The following CEP120 variants were observed in gnomAD, a reference collection of about 807,000 sequenced individuals.
The protein encoded by CEP120 is centrosomal protein of 120 kDa.
CEP120 carries 113 observed loss-of-function variants against 126.5 expected under a neutral mutation model. The ratio of observed to expected loss-of-function variants is 0.89; its 90% confidence interval spans 0.77 to 1.04. CEP120 has a LOEUF of 1.04. Ranked by LOEUF, CEP120 falls within the 50% of genes least tolerant of loss-of-function variation. The probability of loss-of-function intolerance (pLI) is 0.00; values close to 1 mark genes in which losing one functional copy is unlikely to be tolerated. For missense variants in CEP120, 1,230 were observed against 1,155.7 expected, an observed-to-expected ratio of 1.06 and a Z score of -0.93; for synonymous variants, 400 against 394.3, an observed-to-expected ratio of 1.01 and a Z score of -0.17.
At chr5:123,401,988 A>G in intron 4 of CEP120, 3 of 1,604,500 alleles carry the variant, frequency 1.9e-6, no homozygotes, top group Non-Finnish European at 2.6e-6. Context: ...CTTGGTCTCC[A>G]GCATCTTGTT....
intron 18 of CEP120, among the ~76,000 whole-genome samples, chr5:123,351,887 C>CCAAA (rs1169320250): frequency 1.3e-5 from 2 of 152,210 alleles, no homozygotes; most frequent in East Asian, 3.9e-4. Context: ...ACCTGTATTT[C>CCAAA]CAAACAGTTT....
intron 19 of CEP120, among the ~76,000 whole-genome samples, chr5:123,349,513 TATC>T (rs1440558883): frequency 2.0e-5 from 3 of 152,194 alleles, no homozygotes; most frequent in East Asian, 3.8e-4. Context: ...ATAATCCTGA[TATC>T]ATCACACAAA....
chr5:123,381,756 C>T (rs1771663506), intron 14 of CEP120, among the ~76,000 whole-genome samples: 1 of 124,782 alleles, frequency 8.0e-6, no homozygotes, highest in African/African-American at 2.8e-5. Context: ...TATTCATATA[C>T]ACACACACAT....
intron 18 of CEP120, among the ~76,000 whole-genome samples, chr5:123,351,070 T>C (rs1561988931): frequency 1.3e-5 from 2 of 152,144 alleles, no homozygotes; most frequent in Non-Finnish European, 2.9e-5. Flanking sequence ...ATTTATTGAA[T>C]TGTAACAAAC....
intron 8 of CEP120, 49 bp from the exon 9 acceptor site, chr5:123,388,655 T>TAAGAGAAA: frequency 1.4e-6 from 2 of 1,406,194 alleles, no homozygotes; most frequent in Non-Finnish European, 1.9e-6. Flanking sequence ...GCTAACAGTT[T>TAAGAGAAA]CTCTTAAATT....
At chr5:123,385,345 G>A (rs911514864) in intron 10 of CEP120, among the ~76,000 whole-genome samples, 3 of 152,060 alleles carry the variant, frequency 2.0e-5, no homozygotes, top group African/African-American at 7.2e-5. Flanking sequence ...TACAATGATG[G>A]TCCCATAAAA....
intron 11 of CEP120, among the ~76,000 whole-genome samples, chr5:123,384,413 A>G (rs1771881499): frequency 6.6e-6 from 1 of 152,076 alleles, no homozygotes; most frequent in African/African-American, 2.4e-5. Flanking sequence ...TACTGTATTT[A>G]AAATATGTTA....
chr5:123,351,288 T>C (rs1769182063), intron 18 of CEP120, among the ~76,000 whole-genome samples: 1 of 152,180 alleles, frequency 6.6e-6, no homozygotes, highest in African/African-American at 2.4e-5. Flanking sequence ...CTATACAGTA[T>C]GTATTTGTGT....
chr5:123,376,658 AC>A (rs1283274869), intron 16 of CEP120, among the ~76,000 whole-genome samples: 1 of 152,090 alleles, frequency 6.6e-6, no homozygotes, highest in East Asian at 1.9e-4. Flanking sequence ...GAGAAGGACC[AC>A]AGTGGGTTTT....
At chr5:123,423,838 C>G (rs921682311), upstream of CEP120, among the ~76,000 whole-genome samples, 6 of 152,112 alleles carry the variant, frequency 3.9e-5, no homozygotes, top group African/African-American at 1.2e-4. Flanking sequence ...CCTTTGAAAA[C>G]AAGTAGCTTC....
At chr5:123,403,508 T>C (rs1184633639) in intron 4 of CEP120, among the ~76,000 whole-genome samples, 1 of 152,164 alleles carries the variant, frequency 6.6e-6, no homozygotes, top group Non-Finnish European at 1.5e-5. Context: ...CTGATATAAA[T>C]AAACGAATTG....
At chr5:123,349,835 C>G in intron 19 of CEP120, 109 bp downstream of exon 19, 1 of 869,970 alleles carries the variant, frequency 1.1e-6, no homozygotes, top group South Asian at 1.9e-5. Flanking sequence ...ATGTCTGCTA[C>G]ATTTTATATA....
chr5:123,395,494 C>T (rs931682640), intron 5 of CEP120, among the ~76,000 whole-genome samples: 4 of 152,098 alleles, frequency 2.6e-5, no homozygotes, highest in African/African-American at 9.7e-5. Context: ...AGCAGCAACA[C>T]CCTACCATCC....
chr5:123,378,384 T>TA lies in CEP120; in HGVS notation c.2147dup (p.Ile717AsnfsTer2). The TA allele has an allele frequency of 6.2e-7, 1 of 1,607,968 alleles. No individual in the cohort carries two copies. The highest frequency in any genetic ancestry group is 8.5e-7 in the Non-Finnish European group (1 of 1,177,642). Reference sequence around the variant, plus strand: ...GCTGCTCTCGCTTCTCCAAGTCAATTAGAGTTTTTTGAAGTTTTCCTTCTA... The same window carrying TA: ...GCTGCTCTCGCTTCTCCAAGTCAATTAAGAGTTTTTTGAAGTTTTCCTTCTA... On this transcript the variant is annotated frameshift_variant, in exon 15 of 20. Coordinates refer to ENST00000306467, the MANE Select transcript of CEP120 (RefSeq NM_001375405.1). LOFTEE classifies it high-confidence loss of function.
At chr5:123,399,675 A>G (rs1177576754) in intron 4 of CEP120, among the ~76,000 whole-genome samples, 1 of 152,216 alleles carries the variant, frequency 6.6e-6, no homozygotes, top group Non-Finnish European at 1.5e-5. Flanking sequence ...AGTATGTACA[A>G]AAACACAGAA....
At position 123,346,707 on chromosome 5, in the gene CEP120, C is replaced by A; in HGVS notation, c.2773G>T (p.Ala925Ser). 3 of 1,613,182 alleles carry A rather than the reference C, an allele frequency of 1.9e-6. No individual in the cohort carries two copies. The highest frequency in any genetic ancestry group is 2.5e-6 in the Non-Finnish European group (3 of 1,179,766). The change falls in exon 20 of 20, where the codon GCA becomes TCA. Residue 925 changes from alanine (A) to serine (S), a missense_variant. Ala to Ser is a moderately conservative substitution (Grantham distance 99). Transcript: ENST00000306467. Reference protein sequence around the residue: ...QKQYQDSTEIASGKKDGPHGS... With the variant: ...QKQYQDSTEISSGKKDGPHGS... The stretch of plus-strand genomic sequence containing the variant: ...TGGGGGCCATCCTTTTTTCCACTTG[C>A]AATCTCTGTGGAATCCTGGTATTGT...
At chr5:123,394,250 G>T (rs1772606855) in intron 5 of CEP120, among the ~76,000 whole-genome samples, 2 of 152,106 alleles carry the variant, frequency 1.3e-5, no homozygotes, top group African/African-American at 4.8e-5. Context: ...AGTTATCTAA[G>T]ACACCAGTCC....
intron 5 of CEP120, among the ~76,000 whole-genome samples, chr5:123,395,249 T>C (rs1024257532): frequency 4.5e-4 from 68 of 152,216 alleles, no homozygotes; most frequent in Admixed American, 1.3e-4. Flanking sequence ...CTCTTAACTT[T>C]CAGTATTTAA....
At chr5:123,347,155 A>G (rs563236118) in intron 19 of CEP120, among the ~76,000 whole-genome samples, 1 of 152,294 alleles carries the variant, frequency 6.6e-6, no homozygotes, top group East Asian at 1.9e-4. Flanking sequence ...ACTTGATACT[A>G]CATATGCAAT....
Sources: allele counts gnomAD v4.1 joint callset (sites outside exome capture counted in the v4.1 genomes callset), GRCh38; gene constraint gnomAD v4.1.1; transcripts MANE v1.5; gene names NCBI Gene and HGNC (gene_info 2026-07-23, HGNC 2026-07-21).